HS3ST4: variants seen among roughly 807,000 people sequenced by gnomAD.
HS3ST4 encodes the protein heparan sulfate glucosamine 3-O-sulfotransferase 4.
In HS3ST4, 17 loss-of-function variants were observed where a neutral mutation model predicts 29.2. The ratio of observed to expected loss-of-function variants is 0.58; its 90% CI spans 0.40 to 0.87. The LOEUF (loss-of-function observed/expected upper bound fraction) is 0.87, where lower values mean the gene tolerates loss of function less well. Ranked by LOEUF, HS3ST4 falls within the 40% of genes least tolerant of loss-of-function variation. The pLI, the probability that HS3ST4 is intolerant of heterozygous loss-of-function variation, is 0.00. For synonymous variants in HS3ST4, 314 were observed against 285.7 expected (o/e 1.10, Z -1.00); for missense variants, 627 against 634.5 (o/e 0.99, Z 0.13).
intron 1 of HS3ST4, among the ~76,000 whole-genome samples, chr16:26,010,801 A>C (rs1969303390): frequency 1.3e-5 from 2 of 152,236 alleles, no homozygotes; most frequent in Admixed American, 6.5e-5. Context: ...AATAAGGGAA[A>C]ATTATTGCGA....
At chr16:25,784,620 T>C (rs1596569791) in intron 1 of HS3ST4, among the ~76,000 whole-genome samples, 1 of 152,330 alleles carries the variant, frequency 6.6e-6, no homozygotes, top group Non-Finnish European at 1.5e-5. Context: ...CCTAACTCTC[T>C]TCAGTTCTAT....
chr16:26,057,862 G>A (rs371929024), intron 1 of HS3ST4, among the ~76,000 whole-genome samples: 2 of 152,346 alleles, frequency 1.3e-5, no homozygotes, highest in East Asian at 3.9e-4. Context: ...GAAGAAGAGA[G>A]ATGCAGGTCT....
intron 1 of HS3ST4, among the ~76,000 whole-genome samples, chr16:25,828,252 C>CTT (rs770057035): frequency 4.0e-4 from 28 of 70,392 alleles, no homozygotes; most frequent in African/African-American, 1.7e-3. Context: ...CTCTTTCTTT[C>CTT]TTTCTTTCTT....
Position 25,901,408 on chromosome 16 carries a change from C to T in HS3ST4, c.734+208257C>T, listed in dbSNP as rs146305555. ...CTTTCAGACTGGGAGTGGTGGCTTA[C>T]GCCTATATTCCCAGCACTTTGGGAG... is the stretch of plus-strand genomic sequence containing the variant. On this transcript the variant is annotated intron_variant, in intron 1 of 1. Transcript: ENST00000331351. Among the ~76,000 whole-genome samples the T allele has an allele frequency of 2.1e-3, 321 of 152,302 alleles. 1 individual carries two copies. Among genetic ancestry groups the T allele is most frequent in the African/African-American group, 7.1e-3 (296 of 41,574 alleles).
intron 1 of HS3ST4, among the ~76,000 whole-genome samples, chr16:25,869,685 T>C (rs1001547525): frequency 6.6e-6 from 1 of 152,132 alleles, no homozygotes; most frequent in African/African-American, 2.4e-5. Flanking sequence ...AAGCCTAGTA[T>C]CAATTCATAT....
intron 1 of HS3ST4, among the ~76,000 whole-genome samples, chr16:25,706,865 C>T (rs1056201953): frequency 5.9e-5 from 9 of 152,128 alleles, no homozygotes; most frequent in Non-Finnish European, 1.0e-4. Context: ...TTCTCTTATC[C>T]GCAGTTTCAC....
chr16:25,972,637 A>T (rs989473329), intron 1 of HS3ST4, among the ~76,000 whole-genome samples: 1 of 152,210 alleles, frequency 6.6e-6, no homozygotes, highest in East Asian at 1.9e-4. Context: ...CGCCAGAAAG[A>T]CAGAAGGCCC....
chr16:25,855,460 A>G (rs1014705791), intron 1 of HS3ST4, among the ~76,000 whole-genome samples: 6 of 152,238 alleles, frequency 3.9e-5, no homozygotes, highest in African/African-American at 1.4e-4. Context: ...AATATGTCAA[A>G]GAAATATGTT....
At chr16:25,829,015 G>A (rs917999949) in intron 1 of HS3ST4, among the ~76,000 whole-genome samples, 1 of 152,188 alleles carries the variant, frequency 6.6e-6, no homozygotes, top group Non-Finnish European at 1.5e-5. Flanking sequence ...TTCTGCCTGA[G>A]TTCTAAATAA....
intron 1 of HS3ST4, among the ~76,000 whole-genome samples, chr16:25,793,751 A>G (rs534805730): frequency 6.6e-6 from 1 of 152,104 alleles, no homozygotes; most frequent in African/African-American, 2.4e-5. Context: ...GTGTATTTAG[A>G]CTATATTTAA....
At chr16:25,746,482 A>G (rs1457570778) in intron 1 of HS3ST4, among the ~76,000 whole-genome samples, 1 of 152,090 alleles carries the variant, frequency 6.6e-6, no homozygotes, top group East Asian at 1.9e-4. Flanking sequence ...TGATTACAGC[A>G]CATGGTGCGT....
intron 1 of HS3ST4, among the ~76,000 whole-genome samples, chr16:26,111,632 A>T (rs1899130335): frequency 6.6e-6 from 1 of 152,220 alleles, no homozygotes; most frequent in Admixed American, 6.5e-5. Context: ...GGCAGCAAGT[A>T]TGGGAATTCC....
intron 1 of HS3ST4, among the ~76,000 whole-genome samples, chr16:26,052,787 C>G (rs1262836049): frequency 6.6e-6 from 1 of 152,244 alleles, no homozygotes; most frequent in East Asian, 1.9e-4. Context: ...AACTCTCATG[C>G]TTCTTGGACT....
At chr16:25,967,390 G>A (rs1438181086) in intron 1 of HS3ST4, among the ~76,000 whole-genome samples, 3 of 152,062 alleles carry the variant, frequency 2.0e-5, no homozygotes, top group East Asian at 1.9e-4. Flanking sequence ...TCTTGACCTC[G>A]TGATCCGCCC....
chr16:25,912,827 T>C (rs1353617255), intron 1 of HS3ST4, among the ~76,000 whole-genome samples: 1 of 152,160 alleles, frequency 6.6e-6, no homozygotes, highest in East Asian at 1.9e-4. Flanking sequence ...TGGGGAAGCA[T>C]GGGCAGATAG....
At chr16:25,705,013 C>G (rs1427316786) in intron 1 of HS3ST4, among the ~76,000 whole-genome samples, 2 of 152,160 alleles carry the variant, frequency 1.3e-5, no homozygotes, top group African/African-American at 4.8e-5. Flanking sequence ...AGCCACCGCA[C>G]CCGGCCCTGG....
intron 1 of HS3ST4, among the ~76,000 whole-genome samples, chr16:25,713,729 A>G (rs1316060657): frequency 6.6e-6 from 1 of 152,188 alleles, no homozygotes; most frequent in African/African-American, 2.4e-5. Flanking sequence ...TCACAGGGTC[A>G]TTCTCAGGGT....
At chr16:25,911,868 A>G (rs1968243897) in intron 1 of HS3ST4, among the ~76,000 whole-genome samples, 1 of 152,004 alleles carries the variant, frequency 6.6e-6, no homozygotes, top group Non-Finnish European at 1.5e-5. Context: ...CTGTGTCCTC[A>G]GGGCTTGCCA....
chr16:25,805,192 C>G (rs1004008519), intron 1 of HS3ST4, among the ~76,000 whole-genome samples: 2 of 152,140 alleles, frequency 1.3e-5, no homozygotes, highest in Admixed American at 1.3e-4. Context: ...CCCAGATGCA[C>G]GGCTGTAGCA....
Sources: allele counts gnomAD v4.1 joint callset (sites outside exome capture counted in the v4.1 genomes callset), GRCh38; gene constraint gnomAD v4.1.1; transcripts MANE v1.5; gene names NCBI Gene and HGNC (gene_info 2026-07-23, HGNC 2026-07-21).